PFKFB1: variants seen among roughly 807,000 people sequenced by gnomAD.
The protein encoded by PFKFB1 is 6-phosphofructo-2-kinase/fructose-2,6-bisphosphatase 1.
Under a neutral mutation model 46.4 loss-of-function variants are expected in PFKFB1, and 34 were observed. The ratio of observed to expected loss-of-function variants is 0.73; its 90% CI spans 0.56 to 0.98. PFKFB1 has a LOEUF of 0.98. PFKFB1 is among the 50% of genes least tolerant of loss of function. PFKFB1 has a pLI of 0.00. For missense variants in PFKFB1, 393 were observed against 376.3 expected (o/e 1.04, Z -0.37); for synonymous variants, 119 against 133.8 (o/e 0.89, Z 0.76).
Position 54,956,227 on chromosome X carries a change from C to A in PFKFB1, c.564G>T (p.Lys188Asn), listed in dbSNP as rs146170729. 1.9e-4 allele frequency: 230 copies of A among 1,209,998 alleles called. No individual in the cohort carries two copies. Among genetic ancestry groups the A allele is most frequent in the South Asian group, 1.3e-3 (76 of 56,762 alleles). ...TTCTCTTTAGAAAGTCTTCCAGAAC[C>A]TTTTCCCGGTCACAGTCTATATAAT... ...SPDYIDCDRE[K>N]VLEDFLKRIE... The change falls in exon 7 of 14, where the codon AAG (lysine) becomes AAT (asparagine). Residue 188 changes from lysine (K) to asparagine (N), a missense_variant. Physicochemically the swap from Lys to Asn is moderately conservative, Grantham distance 94. Coordinates refer to ENST00000375006, the MANE Select transcript of PFKFB1 (RefSeq NM_002625.4).
intron 1 of PFKFB1, among the ~76,000 whole-genome samples, chrX:54,968,927 A>G (rs749853275): frequency 8.9e-6 from 1 of 111,787 alleles, no homozygotes; most frequent in South Asian, 3.7e-4. Context: ...ATACAAAAAA[A>G]GAAAACTCCA....
chrX:54,973,852 A>C (rs1474488097), intron 1 of PFKFB1, among the ~76,000 whole-genome samples: 1 of 111,553 alleles, frequency 9.0e-6, no homozygotes, highest in Non-Finnish European at 1.9e-5. Context: ...AGCAATTCAA[A>C]ATCAAAGTTA....
chrX:54,972,821 C>A (rs964391610), intron 1 of PFKFB1, among the ~76,000 whole-genome samples: 1 of 110,988 alleles, frequency 9.0e-6, no homozygotes, highest in African/African-American at 3.3e-5. Context: ...TGTCTCTGCT[C>A]GGCTTTGGTA....
intron 10 of PFKFB1, among the ~76,000 whole-genome samples, chrX:54,939,837 C>G (rs748111299): frequency 1.8e-5 from 2 of 111,893 alleles, no homozygotes; most frequent in African/African-American, 6.5e-5. Flanking sequence ...GGTACCATTC[C>G]GTCTGAAACT....
At chrX:54,943,380 T>C (rs748770639) in intron 10 of PFKFB1, among the ~76,000 whole-genome samples, 48 of 111,601 alleles carry the variant, frequency 4.3e-4, no homozygotes, top group South Asian at 1.9e-3. Flanking sequence ...CAAGCATCAC[T>C]AGGATTGAGG....
At chrX:54,997,355 A>G (rs1935372877), upstream of PFKFB1, among the ~76,000 whole-genome samples, 2 of 111,726 alleles carry the variant, frequency 1.8e-5, no homozygotes, top group Non-Finnish European at 3.8e-5. Context: ...AGTCAGTACC[A>G]GATTCTCATT....
In PFKFB1 at chrX:54,934,939, G is replaced by A. The variant is rs1933335365; in HGVS notation, c.1291+8C>T. On this transcript the variant is annotated splice_region_variant and intron_variant, in intron 12 of 13. Transcript: ENST00000375006. Reference sequence around the variant, plus strand: ...TGCCTGTCCTTTGATCAGGGTGGGAGTACTTACCATAAGCCACAGGAGTGA... The same window carrying A: ...TGCCTGTCCTTTGATCAGGGTGGGAATACTTACCATAAGCCACAGGAGTGA... 1.7e-6 allele frequency: 2 copies of A among 1,188,421 alleles called. No homozygotes were observed. The highest frequency in any genetic ancestry group is 3.5e-5 in the African/African-American group (2 of 56,889).
At chrX:54,941,461 C>G (rs1342646048) in intron 10 of PFKFB1, among the ~76,000 whole-genome samples, 1 of 111,845 alleles carries the variant, frequency 8.9e-6, no homozygotes, top group Non-Finnish European at 1.9e-5. Flanking sequence ...AGGCAACCTA[C>G]AGAATGGGAG....
intron 12 of PFKFB1, 58 bp downstream of exon 12, chrX:54,934,888 CT>C: frequency 1.0e-6 from 1 of 978,259 alleles, no homozygotes; most frequent in Non-Finnish European, 1.5e-6. Flanking sequence ...ATGGTAGGCA[CT>C]AGGGCCATGC....
At chrX:54,983,322 CCCACCCT>C (rs958826061) in intron 1 of PFKFB1, among the ~76,000 whole-genome samples, 29 of 111,279 alleles carry the variant, frequency 2.6e-4, no homozygotes, top group African/African-American at 8.1e-4. Context: ...TTTCCCTTCT[CCCACCCT>C]CCACCCTCAG....
intron 1 of PFKFB1, among the ~76,000 whole-genome samples, chrX:54,981,698 C>G (rs2146677384): frequency 9.0e-6 from 1 of 111,589 alleles, no homozygotes; most frequent in African/African-American, 3.2e-5. Context: ...ACTTGAGAAA[C>G]AACAATAAAA....
chrX:54,986,839 C>CGGAG (rs1935125470), intron 1 of PFKFB1, among the ~76,000 whole-genome samples: 1 of 110,988 alleles, frequency 9.0e-6, no homozygotes, highest in Admixed American at 9.6e-5. Context: ...GTATGTTCTC[C>CGGAG]AATCATAATG....
rs1415690392 is a variant in PFKFB1 at position 54,949,060 on chromosome X, C to T, written c.993+15G>A. 3.3e-6 allele frequency: 4 copies of T among 1,207,315 alleles called. No individual in the cohort carries two copies. Among genetic ancestry groups the T allele is most frequent in the Non-Finnish European group, 4.5e-6 (4 of 892,083 alleles). On this transcript the variant is annotated intron_variant, in intron 9 of 13. Transcript: ENST00000375006. ...GTCACCCCCACACACAGGAGATTCA[C>T]CCCATGCATCTCACCGCATCAATCT...
At chrX:54,996,192 C>G (rs1022068691), upstream of PFKFB1, among the ~76,000 whole-genome samples, 5 of 112,267 alleles carry the variant, frequency 4.5e-5, no homozygotes, top group African/African-American at 1.6e-4. Context: ...AGAGATACAA[C>G]TCTTTTAATT....
In PFKFB1 at chrX:54,963,325, G is replaced by A; in HGVS notation, c.155C>T (p.Ala52Val). The stretch of plus-strand genomic sequence containing the variant: ...TGTGGAGATATAGGTCTTGCCTCGA[G>A]CTGGTAAACCCACCATGATCACCAT... ...PTMVIMVGLP[A>V]RGKTYISTKL... Residue 52 changes from alanine (A) to valine (V), a missense_variant, in exon 2 of 14, where the codon GCT becomes GTT. Coordinates refer to ENST00000375006, the MANE Select transcript of PFKFB1 (RefSeq NM_002625.4). 8.3e-7 allele frequency: 1 copy of A among 1,208,302 alleles called. No individual in the cohort carries two copies. The highest frequency in any genetic ancestry group is 3.0e-5 in the East Asian group (1 of 33,812).
At chrX:54,998,684 A>C (rs1360414609), upstream of PFKFB1, 1 of 355,049 alleles carries the variant, frequency 2.8e-6, no homozygotes, top group Non-Finnish European at 4.9e-6. Context: ...CAAAGGTCAG[A>C]ACTAATATTA....
chrX:54,963,689 A>G (rs1265147729), intron 1 of PFKFB1, among the ~76,000 whole-genome samples: 1 of 112,231 alleles, frequency 8.9e-6, no homozygotes, highest in African/African-American at 3.2e-5. Context: ...ATGAATTGCT[A>G]AAGGCTGGTT....
At chrX:54,969,950 C>A (rs1934596202) in intron 1 of PFKFB1, among the ~76,000 whole-genome samples, 1 of 111,788 alleles carries the variant, frequency 8.9e-6, no homozygotes, top group Non-Finnish European at 1.9e-5. Flanking sequence ...GCTCTGTCAC[C>A]CAGGCTGGAG....
At chrX:54,994,212 G>A (rs1569547504), upstream of PFKFB1, 5 of 1,041,798 alleles carry the variant, frequency 4.8e-6, no homozygotes, top group Middle Eastern at 3.9e-4. Context: ...CTCTGCTCCT[G>A]TATGTACTAG....
Sources: allele counts gnomAD v4.1 joint callset (sites outside exome capture counted in the v4.1 genomes callset), GRCh38; gene constraint gnomAD v4.1.1; transcripts MANE v1.5; gene names NCBI Gene and HGNC (gene_info 2026-07-23, HGNC 2026-07-21).